Variants in DLGAP2 observed in about 807,000 individuals in gnomAD.
DLGAP2 encodes DLG associated protein 2.
A neutral mutation model predicts 100.3 loss-of-function variants in DLGAP2; 26 were observed. The ratio of observed to expected loss-of-function variants is 0.26; its 90% CI spans 0.19 to 0.36. The LOEUF (loss-of-function observed/expected upper bound fraction) is 0.36. Among genes scored for constraint, DLGAP2 ranks in the 10% least tolerant of loss-of-function variants. The pLI is 1.00. For missense variants in DLGAP2, 1,858 were observed against 1,453.2 expected (o/e 1.28, Z -4.53); for synonymous variants, 886 against 630.1 (o/e 1.41, Z -6.08).
intron 1 of DLGAP2, among the ~76,000 whole-genome samples, chr8:784,623 G>T (rs1261961733): frequency 1.3e-5 from 2 of 152,200 alleles, no homozygotes; most frequent in African/African-American, 4.8e-5. Context: ...TTTTATCTCA[G>T]AATGTCAAAT....
chr8:1,018,452 T>C (rs942568482), intron 2 of DLGAP2, among the ~76,000 whole-genome samples: 6 of 152,216 alleles, frequency 3.9e-5, no homozygotes, highest in African/African-American at 4.8e-5. Context: ...TTGGCTGCCC[T>C]ATGAATGGCA....
At chr8:1,193,083 T>G (rs1797674032) in intron 2 of DLGAP2, among the ~76,000 whole-genome samples, 1 of 152,140 alleles carries the variant, frequency 6.6e-6, no homozygotes, top group South Asian at 2.1e-4. Context: ...TGTTGGACAT[T>G]TGGGTTGCTT....
intron 4 of DLGAP2, among the ~76,000 whole-genome samples, chr8:1,542,604 T>C (rs1167586345): frequency 6.6e-6 from 1 of 152,226 alleles, no homozygotes; most frequent in Non-Finnish European, 1.5e-5. Context: ...AACATTTCCA[T>C]TGTGCGGTAC....
At chr8:1,003,242 C>G (rs1362871079) in intron 2 of DLGAP2, 5 of 152,386 alleles carry the variant, frequency 3.3e-5, no homozygotes. Context: ...GGAGAGCAAA[C>G]CGAATGCACT....
intron 2 of DLGAP2, among the ~76,000 whole-genome samples, chr8:1,052,024 C>T (rs1024562130): frequency 1.3e-5 from 2 of 152,174 alleles, no homozygotes; most frequent in Non-Finnish European, 2.9e-5. Context: ...CACAAGGATG[C>T]AGAGGGAGAA....
chr8:880,396 A>C (rs981730644), intron 1 of DLGAP2, among the ~76,000 whole-genome samples: 1 of 152,230 alleles, frequency 6.6e-6, no homozygotes. Flanking sequence ...ACTCACACAC[A>C]GAGGGTTCTG....
intron 2 of DLGAP2, among the ~76,000 whole-genome samples, chr8:1,258,031 T>C (rs1799265781): frequency 6.6e-6 from 1 of 152,242 alleles, no homozygotes; most frequent in Non-Finnish European, 1.5e-5. Context: ...TGTGTGAGGA[T>C]CACCTGTAAA....
intron 2 of DLGAP2, among the ~76,000 whole-genome samples, chr8:1,049,169 G>A (rs886778053): frequency 4.6e-5 from 7 of 152,132 alleles, no homozygotes; most frequent in African/African-American, 1.4e-4. Flanking sequence ...TCTGAGCCTC[G>A]ATTCCACGAG....
intron 1 of DLGAP2, chr8:739,775 C>T (rs966099895): frequency 6.6e-6 from 1 of 152,184 alleles, no homozygotes; most frequent in Non-Finnish European, 1.5e-5. Context: ...GTGACTTTTT[C>T]ATTGCTTGGA....
intron 3 of DLGAP2, among the ~76,000 whole-genome samples, chr8:1,337,413 G>A (rs2117073472): frequency 3.3e-5 from 2 of 60,574 alleles, no homozygotes; most frequent in Non-Finnish European, 6.2e-5. Flanking sequence ...TGATGGTGAT[G>A]GTGAGGATGA....
intron 6 of DLGAP2, among the ~76,000 whole-genome samples, chr8:1,585,921 G>A (rs1304248621): frequency 6.6e-6 from 1 of 152,176 alleles, no homozygotes; most frequent in Non-Finnish European, 1.5e-5. Flanking sequence ...ATCCTGTCCG[G>A]ACACTTTCGT....
intron 1 of DLGAP2, among the ~76,000 whole-genome samples, chr8:849,543 T>C (rs928468734): frequency 5.3e-5 from 8 of 152,218 alleles, no homozygotes; most frequent in Non-Finnish European, 1.2e-4. Flanking sequence ...CTTTCCAAAC[T>C]GACTGCCCTT....
chr8:1,440,060 C>T (rs1029889939), intron 3 of DLGAP2, among the ~76,000 whole-genome samples: 2 of 152,138 alleles, frequency 1.3e-5, no homozygotes, highest in Non-Finnish European at 2.9e-5. Context: ...TCTTCTCAAC[C>T]TCTGAGCTCA....
chr8:1,057,194 AT>A (rs1197864597), intron 2 of DLGAP2, among the ~76,000 whole-genome samples: 6 of 152,340 alleles, frequency 3.9e-5, no homozygotes, highest in Admixed American at 2.0e-4. Context: ...CCCTTGAGAT[AT>A]GCATCGGTTA....
intron 12 of DLGAP2, chr8:1,679,165 G>A (rs1269507385): frequency 6.7e-6 from 1 of 150,102 alleles, no homozygotes; most frequent in Non-Finnish European, 1.5e-5. Flanking sequence ...CTCACTCCTG[G>A]GTGGAATGGG....
At chr8:1,267,538 G>A (rs1799481113) in intron 3 of DLGAP2, among the ~76,000 whole-genome samples, 6 of 143,218 alleles carry the variant, frequency 4.2e-5, no homozygotes, top group Admixed American at 4.2e-4. Context: ...CAGCCTGGGA[G>A]ACAGAGCAAA....
chr8:1,068,743 C>CAGAGGGAGGGA (rs1803334493), intron 2 of DLGAP2, among the ~76,000 whole-genome samples: 5 of 152,050 alleles, frequency 3.3e-5, no homozygotes, highest in African/African-American at 1.2e-4. Flanking sequence ...GCATGTGGGT[C>CAGAGGGAGGGA]CGGGATATGC....
rs563990365 is a variant in DLGAP2, at chr8:1,178,537, C to G, written c.74-80314C>G. 8.5e-5 allele frequency among the ~76,000 whole-genome samples: 13 copies of G among 152,298 alleles called. 1 individual carries two copies. The South Asian group carries it at 2.5e-3, about 29-fold the overall frequency. On this transcript the variant is annotated intron_variant, in intron 2 of 14. Coordinates refer to ENST00000637795, the MANE Select transcript of DLGAP2 (RefSeq NM_001346810.2). The stretch of plus-strand genomic sequence containing the variant: ...TGACAAACACAGCACTTGGTTTCAA[C>G]TGGGATTTAACGAAAGGCACCTTTT...
intron 2 of DLGAP2, among the ~76,000 whole-genome samples, chr8:1,048,932 G>A (rs1802593826): frequency 6.6e-6 from 1 of 152,146 alleles, no homozygotes; most frequent in African/African-American, 2.4e-5. Flanking sequence ...ACAGACTCAC[G>A]GGTAGAAAAA....
Sources: gnomAD v4.1 joint callset for allele counts (sites outside exome capture counted in the v4.1 genomes callset) on GRCh38, gnomAD v4.1.1 for gene constraint, MANE v1.5 for transcripts, NCBI Gene and HGNC (gene_info 2026-07-23, HGNC 2026-07-21) for gene names.